The following TMC1 variants were observed in gnomAD, a reference collection of about 807,000 sequenced individuals.
TMC1 encodes transmembrane channel-like protein 1.
TMC1 carries 84 observed loss-of-function variants against 105.8 expected under a neutral mutation model. The ratio of observed to expected loss-of-function variants is 0.79; its 90% CI spans 0.67 to 0.95. The LOEUF (loss-of-function observed/expected upper bound fraction) is 0.95, where lower values mean the gene tolerates loss of function less well. TMC1 is among the 40% of genes least tolerant of loss of function. The pLI is 0.00. For missense variants in TMC1, 817 were observed against 914.1 expected (o/e 0.89, Z 1.37); for synonymous variants, 315 against 311.5 (o/e 1.01, Z -0.12).
chr9:72,659,796 A>G (rs1016581862), intron 5 of TMC1, among the ~76,000 whole-genome samples: 3 of 152,226 alleles, frequency 2.0e-5, no homozygotes, highest in Admixed American at 1.3e-4. Flanking sequence ...GTAACTCGTT[A>G]GAACTTTTAT....
chr9:72,559,452 T>A (rs992192884), intron 1 of TMC1, among the ~76,000 whole-genome samples: 1 of 151,612 alleles, frequency 6.6e-6, no homozygotes, highest in African/African-American at 2.4e-5. Flanking sequence ...CCCCCACCGA[T>A]GCCCATAATC....
intron 8 of TMC1, among the ~76,000 whole-genome samples, chr9:72,703,804 G>T (rs1826684427): frequency 6.6e-6 from 1 of 152,244 alleles, no homozygotes; most frequent in African/African-American, 2.4e-5. Flanking sequence ...ACAGTCTGGT[G>T]ATGATTTTCC....
intron 3 of TMC1, among the ~76,000 whole-genome samples, chr9:72,622,267 G>T (rs946982519): frequency 2.6e-5 from 4 of 152,150 alleles, no homozygotes; most frequent in African/African-American, 9.7e-5. Flanking sequence ...GCAAAGGAAG[G>T]TCACTCCTGT....
At chr9:72,719,938 A>G (rs1293304632) in intron 8 of TMC1, among the ~76,000 whole-genome samples, 2 of 152,200 alleles carry the variant, frequency 1.3e-5, no homozygotes, top group Non-Finnish European at 2.9e-5. Flanking sequence ...CCAGGTGTCA[A>G]GCATTATGCT....
chr9:72,786,791 G>C (rs1361809240), intron 13 of TMC1, among the ~76,000 whole-genome samples: 1 of 152,112 alleles, frequency 6.6e-6, no homozygotes, highest in Non-Finnish European at 1.5e-5. Flanking sequence ...TTCCCAGTCT[G>C]CTCATTCAGT....
At chr9:72,558,804 C>T (rs1823990809) in intron 1 of TMC1, among the ~76,000 whole-genome samples, 1 of 152,158 alleles carries the variant, frequency 6.6e-6, no homozygotes, top group Admixed American at 6.5e-5. Flanking sequence ...AGGAATCTAT[C>T]ACAATTCATA....
At chr9:72,798,647 C>T (rs973158478) in intron 17 of TMC1, among the ~76,000 whole-genome samples, 13 of 151,968 alleles carry the variant, frequency 8.6e-5, no homozygotes, top group South Asian at 4.1e-4. Context: ...AACTCATGAA[C>T]GCAAAGAAGG....
intron 10 of TMC1, among the ~76,000 whole-genome samples, chr9:72,749,728 A>C (rs1206801767): frequency 6.6e-6 from 1 of 152,214 alleles, no homozygotes; most frequent in African/African-American, 2.4e-5. Context: ...GATTTTTTCC[A>C]AAATATCCAT....
chr9:72,554,606 A>G lies in TMC1; in HGVS notation c.-427-23296A>G, dbSNP rs1207906653. On this transcript the variant is annotated intron_variant, in intron 1 of 23. Transcript: ENST00000297784. ...ACAGTGCACTGAGAAGCAATGGGAC[A>G]TGACAGAATAGTTTCAGCAGTGAAA... Among the ~76,000 whole-genome samples the G allele has an allele frequency of 2.0e-5, 3 of 152,230 alleles. No individual in the cohort carries two copies. The East Asian group carries it at 5.8e-4, about 29-fold the overall frequency.
intron 12 of TMC1, among the ~76,000 whole-genome samples, chr9:72,760,792 T>G (rs530675416): frequency 6.6e-6 from 1 of 152,208 alleles, no homozygotes; most frequent in South Asian, 2.1e-4. Context: ...ATGGGAAGGA[T>G]CAGAAAATCT....
chr9:72,668,990 A>G (rs530038051), intron 5 of TMC1, among the ~76,000 whole-genome samples: 3 of 152,358 alleles, frequency 2.0e-5, no homozygotes, highest in African/African-American at 4.8e-5. Context: ...AAACAAAAAC[A>G]TAACACAATT....
chr9:72,598,878 C>T (rs550027074), intron 2 of TMC1, among the ~76,000 whole-genome samples: 8 of 152,272 alleles, frequency 5.3e-5, no homozygotes, highest in East Asian at 1.9e-4. Context: ...CTCATCTACA[C>T]GTGGTTAGAT....
At chr9:72,579,926 A>G (rs948640745) in intron 2 of TMC1, among the ~76,000 whole-genome samples, 1 of 152,082 alleles carries the variant, frequency 6.6e-6, no homozygotes, top group African/African-American at 2.4e-5. Flanking sequence ...AAAATTTAAA[A>G]ATAAAATAAT....
chr9:72,618,550 G>A, intron 3 of TMC1, among the ~76,000 whole-genome samples: 1 of 147,638 alleles, frequency 6.8e-6, no homozygotes, highest in South Asian at 2.1e-4. Context: ...TAGAAATAAA[G>A]GTAAATATAA....
intron 23 of TMC1, among the ~76,000 whole-genome samples, chr9:72,833,954 A>G (rs1829079868): frequency 6.6e-6 from 1 of 150,932 alleles, no homozygotes; most frequent in Admixed American, 6.6e-5. Context: ...TTGTGTACTC[A>G]TCAATGGACT....
chr9:72,766,436 T>A (rs952255644), intron 12 of TMC1, among the ~76,000 whole-genome samples: 1 of 149,156 alleles, frequency 6.7e-6, no homozygotes, highest in Non-Finnish European at 1.5e-5. Context: ...AAAAAAAAAG[T>A]ATTAGCATGG....
chr9:72,743,917 A>G (rs1827442244), intron 10 of TMC1, among the ~76,000 whole-genome samples: 1 of 152,202 alleles, frequency 6.6e-6, no homozygotes, highest in African/African-American at 2.4e-5. Context: ...CTGGTTTCTA[A>G]CGGTTTCAAC....
intron 8 of TMC1, among the ~76,000 whole-genome samples, chr9:72,738,599 G>A (rs1316500013): frequency 2.0e-5 from 3 of 151,954 alleles, no homozygotes; most frequent in Admixed American, 1.3e-4. Context: ...TGTATTTTTA[G>A]TAGAGGCAGG....
At chr9:72,757,504 ATT>A (rs932494384) in intron 12 of TMC1, among the ~76,000 whole-genome samples, 4 of 152,174 alleles carry the variant, frequency 2.6e-5, no homozygotes, top group Non-Finnish European at 5.9e-5. Flanking sequence ...CATATTTCAA[ATT>A]TTTTCAGATT....
Sources: gnomAD v4.1 joint callset for allele counts (sites outside exome capture counted in the v4.1 genomes callset) on GRCh38, gnomAD v4.1.1 for gene constraint, MANE v1.5 for transcripts, NCBI Gene and HGNC (gene_info 2026-07-23, HGNC 2026-07-21) for gene names.